Variants in PRDM5 observed in about 807,000 individuals in gnomAD.
PRDM5 encodes PR domain zinc finger protein 5.
A neutral mutation model predicts 81.2 loss-of-function variants in PRDM5; 56 were observed. The observed-to-expected ratio is 0.69, with a 90% CI of 0.56 to 0.86. PRDM5 has a LOEUF of 0.86. Among genes scored for constraint, PRDM5 ranks in the 40% least tolerant of loss-of-function variants. PRDM5 has a pLI of 0.00. For synonymous variants in PRDM5, 267 were observed against 256.4 expected (o/e 1.04, Z -0.39); for missense variants, 697 against 770.1 (o/e 0.91, Z 1.12).
intron 12 of PRDM5, among the ~76,000 whole-genome samples, chr4:120,777,880 G>C (rs2149228874): frequency 6.6e-6 from 1 of 152,200 alleles, no homozygotes; most frequent in South Asian, 2.1e-4. Flanking sequence ...ATGAGGAAAG[G>C]TGAATAAGTA....
chr4:120,906,401 A>G (rs1337463756), intron 2 of PRDM5, among the ~76,000 whole-genome samples: 1 of 152,226 alleles, frequency 6.6e-6, no homozygotes, highest in African/African-American at 2.4e-5. Flanking sequence ...GGAGTACAGT[A>G]GGCTATACCA....
chr4:120,725,144 C>T (rs987852005), intron 14 of PRDM5, among the ~76,000 whole-genome samples: 9 of 150,748 alleles, frequency 6.0e-5, no homozygotes, highest in Admixed American at 1.3e-4. Flanking sequence ...CTGTAATAAA[C>T]GAGAAATGTT....
At chr4:120,871,083 G>T (rs1012016244) in intron 2 of PRDM5, among the ~76,000 whole-genome samples, 5 of 152,112 alleles carry the variant, frequency 3.3e-5, no homozygotes, top group African/African-American at 1.2e-4. Context: ...TGGGAAGAGG[G>T]AACTCTCTAG....
At chr4:120,740,100 G>T (rs971282875) in intron 14 of PRDM5, among the ~76,000 whole-genome samples, 1 of 151,932 alleles carries the variant, frequency 6.6e-6, no homozygotes, top group Non-Finnish European at 1.5e-5. Flanking sequence ...AAAATACAAC[G>T]GTATTTTGAA....
rs565990232 is a variant in PRDM5 at position 120,852,117 on chromosome 4, T to C, written c.300+1301A>G. 2.0e-5 allele frequency among the ~76,000 whole-genome samples: 3 copies of C among 152,280 alleles called. No individual in the cohort carries two copies. In the South Asian group the frequency reaches 6.2e-4, roughly 32 times the overall value. On this transcript the variant is annotated intron_variant, in intron 3 of 15. Transcript: ENST00000264808. ...CTCCTCTAAAAACTATATCGTTTTC[T>C]CTTCTTGCCTTATTTTCCACTGAGG...
At position 120,755,940 on chromosome 4, in the gene PRDM5, A is replaced by AT. The variant is rs1378717281; in HGVS notation, c.1538-1303_1538-1302insA. Among the ~76,000 whole-genome samples the AT allele has an allele frequency of 2.2e-4, 33 of 152,202 alleles. 1 individual carries two copies. Among genetic ancestry groups the AT allele is most frequent in the Non-Finnish European group, 1.5e-5 (1 of 68,042 alleles). Reference sequence around the variant, plus strand: ...CACTGTAAAATGGTGACAAACACCCAAAGTAGCAATAAACTAAAAACAACA... The same window carrying AT: ...CACTGTAAAATGGTGACAAACACCCATAAGTAGCAATAAACTAAAAACAACA... On this transcript the variant is annotated intron_variant, in intron 13 of 15. Coordinates refer to ENST00000264808, the MANE Select transcript of PRDM5 (RefSeq NM_018699.4).
At chr4:120,759,399 G>A (rs1405856112) in intron 13 of PRDM5, among the ~76,000 whole-genome samples, 1 of 152,180 alleles carries the variant, frequency 6.6e-6, no homozygotes, top group Non-Finnish European at 1.5e-5. Flanking sequence ...GGGCAATCCT[G>A]CCTCTCTTTT....
chr4:120,834,203 T>C (rs769435167), intron 3 of PRDM5, among the ~76,000 whole-genome samples: 2 of 152,158 alleles, frequency 1.3e-5, no homozygotes, highest in Non-Finnish European at 2.9e-5. Flanking sequence ...TTGATCAATG[T>C]GATGGTTAAT....
chr4:120,874,715 C>A (rs982494011), intron 2 of PRDM5, among the ~76,000 whole-genome samples: 1 of 152,142 alleles, frequency 6.6e-6, no homozygotes, highest in Non-Finnish European at 1.5e-5. Context: ...TGAAAAAAAT[C>A]TAGCCAAAGA....
intron 14 of PRDM5, among the ~76,000 whole-genome samples, chr4:120,747,102 C>A (rs1743216446): frequency 6.7e-6 from 1 of 148,610 alleles, no homozygotes; most frequent in South Asian, 2.2e-4. Flanking sequence ...TACTATGCAG[C>A]CATAAAAAAT....
chr4:120,697,667 ACTATT>A (rs61082976), intron 15 of PRDM5, among the ~76,000 whole-genome samples: 20,778 of 84,630 alleles, frequency 0.25, 1,640 homozygotes, highest in Non-Finnish European at 0.3. Context: ...TGCCCAGCTA[ACTATT>A]TTTTTTTTTT....
chr4:120,710,721 C>T (rs1048383508), intron 14 of PRDM5, among the ~76,000 whole-genome samples: 1 of 152,078 alleles, frequency 6.6e-6, no homozygotes, highest in Non-Finnish European at 1.5e-5. Context: ...TCCCACTTTG[C>T]TCCATGCTTC....
chr4:120,887,691 GTTC>G (rs1763585443), intron 2 of PRDM5, among the ~76,000 whole-genome samples: 1 of 151,066 alleles, frequency 6.6e-6, no homozygotes, highest in Admixed American at 6.6e-5. Flanking sequence ...TCTTCACCTA[GTTC>G]TTCTTCAGAT....
At chr4:120,700,651 A>G (rs1343109671) in intron 15 of PRDM5, among the ~76,000 whole-genome samples, 1 of 152,238 alleles carries the variant, frequency 6.6e-6, no homozygotes, top group Non-Finnish European at 1.5e-5. Context: ...ATTTTTAAAT[A>G]AAACATATAT....
chr4:120,781,413 A>G (rs1405626723), intron 11 of PRDM5, 110 bp from the exon 12 acceptor site: 4 of 958,832 alleles, frequency 4.2e-6, no homozygotes, highest in Admixed American at 4.1e-5. Flanking sequence ...TGTAGCTCTA[A>G]GAATGTTAAC....
intron 2 of PRDM5, among the ~76,000 whole-genome samples, chr4:120,897,241 T>C (rs1395780207): frequency 6.6e-6 from 1 of 152,176 alleles, no homozygotes; most frequent in Admixed American, 6.5e-5. Flanking sequence ...ATGATATTTT[T>C]ACTGGATAAA....
At chr4:120,751,441 T>A (rs1743986964) in intron 14 of PRDM5, among the ~76,000 whole-genome samples, 1 of 148,200 alleles carries the variant, frequency 6.7e-6, no homozygotes, top group African/African-American at 2.5e-5. Context: ...TATCAAATAG[T>A]CTAACATGTG....
intron 14 of PRDM5, among the ~76,000 whole-genome samples, chr4:120,741,932 C>T (rs1742073495): frequency 6.6e-6 from 1 of 152,244 alleles, no homozygotes; most frequent in Non-Finnish European, 1.5e-5. Flanking sequence ...CACCACAGCT[C>T]AAGGAGGCCT....
intron 3 of PRDM5, among the ~76,000 whole-genome samples, chr4:120,823,714 G>A (rs1256439216): frequency 6.6e-6 from 1 of 152,154 alleles, no homozygotes; most frequent in South Asian, 2.1e-4. Context: ...GAGCCATTTT[G>A]TCCACCTGGA....
Sources: gnomAD v4.1 joint callset for allele counts (sites outside exome capture counted in the v4.1 genomes callset) on GRCh38, gnomAD v4.1.1 for gene constraint, MANE v1.5 for transcripts, NCBI Gene and HGNC (gene_info 2026-07-23, HGNC 2026-07-21) for gene names.